The following UBASH3B variants were observed in gnomAD, a reference collection of about 807,000 sequenced individuals.
UBASH3B encodes ubiquitin associated and SH3 domain containing B, also known as ubiquitin-associated and SH3 domain-containing protein B.
A neutral mutation model predicts 83.4 loss-of-function variants in UBASH3B; 37 were observed. That is an observed-to-expected ratio of 0.44 (90% CI 0.34 to 0.58). The LOEUF is 0.58. UBASH3B is among the 20% of genes least tolerant of loss of function. The pLI is 0.01. For missense variants in UBASH3B, 657 were observed against 827.2 expected (o/e 0.79, Z 2.52); for synonymous variants, 304 against 318.3 (o/e 0.96, Z 0.48).
intron 1 of UBASH3B, among the ~76,000 whole-genome samples, chr11:122,747,298 G>A (rs957965123): frequency 1.3e-4 from 20 of 152,220 alleles, no homozygotes; most frequent in African/African-American, 4.8e-4. Context: ...CTTAGCAAGA[G>A]CTTATGCACT....
chr11:122,743,483 G>A (rs181734858), intron 1 of UBASH3B, among the ~76,000 whole-genome samples: 21 of 152,198 alleles, frequency 1.4e-4, no homozygotes, highest in African/African-American at 4.8e-4. Context: ...CCAGAGTTTC[G>A]GGATTACAGG....
At chr11:122,757,198 TC>T (rs1441729725) in intron 1 of UBASH3B, among the ~76,000 whole-genome samples, 1 of 152,182 alleles carries the variant, frequency 6.6e-6, no homozygotes, top group East Asian at 1.9e-4. Context: ...ACATTTGTGT[TC>T]CCCCCAAATT....
intron 1 of UBASH3B, among the ~76,000 whole-genome samples, chr11:122,733,417 G>T: frequency 6.6e-6 from 1 of 152,222 alleles, no homozygotes; most frequent in East Asian, 1.9e-4. Context: ...CAACAAGTAT[G>T]TCAACGATAA....
rs192013791 is a variant in UBASH3B, at chr11:122,740,977, G to A, written c.162-35242G>A. Among the ~76,000 whole-genome samples, 42 of 152,244 alleles carry A rather than the reference G, an allele frequency of 2.8e-4. No individual in the cohort carries two copies. The East Asian group carries it at 7.7e-3, about 28-fold the overall frequency. ...TTAGTAATCTAATTAAAAACAAATCGTTCGCAGGGATTTTGATTCCTTCTT... is the reference window on the plus strand; with the variant it reads ...TTAGTAATCTAATTAAAAACAAATCATTCGCAGGGATTTTGATTCCTTCTT... On this transcript the variant is annotated intron_variant, in intron 1 of 13. Transcript: ENST00000284273.
At chr11:122,751,709 T>C (rs1215883269) in intron 1 of UBASH3B, among the ~76,000 whole-genome samples, 2 of 152,176 alleles carry the variant, frequency 1.3e-5, no homozygotes, top group Non-Finnish European at 1.5e-5. Flanking sequence ...TGCAGTGGAC[T>C]GGGAGCCTGG....
chr11:122,778,958 G>T (rs577105005), intron 3 of UBASH3B, among the ~76,000 whole-genome samples: 222 of 152,210 alleles, frequency 1.5e-3, no homozygotes, highest in Admixed American at 2.6e-3. Flanking sequence ...ATAACATGAT[G>T]GTTGAATATA....
intron 11 of UBASH3B, among the ~76,000 whole-genome samples, chr11:122,803,269 C>T (rs1449844126): frequency 1.3e-5 from 2 of 152,104 alleles, no homozygotes; most frequent in African/African-American, 2.4e-5. Flanking sequence ...AGTTTAATTC[C>T]CTATGAAATT....
At chr11:122,788,366 C>T (rs1383664303) in intron 5 of UBASH3B, among the ~76,000 whole-genome samples, 5 of 152,064 alleles carry the variant, frequency 3.3e-5, no homozygotes, top group Non-Finnish European at 2.9e-5. Flanking sequence ...GTCAGGAGTT[C>T]GAGACCAGCC....
chr11:122,732,975 G>A (rs10892890), intron 1 of UBASH3B, among the ~76,000 whole-genome samples: 47,403 of 151,954 alleles, frequency 0.31, 8,852 homozygotes, highest in Middle Eastern at 0.49. Context: ...TGATGTACCC[G>A]TCACTATACC....
At chr11:122,674,952 C>G (rs1863648899) in intron 1 of UBASH3B, among the ~76,000 whole-genome samples, 1 of 151,992 alleles carries the variant, frequency 6.6e-6, no homozygotes, top group South Asian at 2.1e-4. Flanking sequence ...TGGTCTCGAA[C>G]TCCTCACCTC....
chr11:122,721,072 C>T (rs1219298478), intron 1 of UBASH3B, among the ~76,000 whole-genome samples: 1 of 150,762 alleles, frequency 6.6e-6, no homozygotes, highest in Non-Finnish European at 1.5e-5. Context: ...GGTGAAACCC[C>T]GTCTCTACCA....
At chr11:122,779,409 T>C (rs898816194) in intron 3 of UBASH3B, 88 bp from the exon 4 acceptor site, 1 of 1,448,478 alleles carries the variant, frequency 6.9e-7, no homozygotes, top group East Asian at 2.3e-5. Context: ...CCTCCTCCAG[T>C]CTCTGGGGAG....
At chr11:122,795,307 G>A (rs1003325391) in intron 7 of UBASH3B, among the ~76,000 whole-genome samples, 3 of 152,106 alleles carry the variant, frequency 2.0e-5, no homozygotes, top group Non-Finnish European at 2.9e-5. Flanking sequence ...AGCATGTTGA[G>A]GATCAAGAGA....
chr11:122,750,455 C>T (rs1049065448), intron 1 of UBASH3B, among the ~76,000 whole-genome samples: 16 of 152,180 alleles, frequency 1.1e-4, no homozygotes, highest in East Asian at 1.9e-4. Context: ...TTCACCTTAG[C>T]TTACTGGCAC....
rs1415032409 is a variant in UBASH3B at position 122,758,269 on chromosome 11, A to G, written c.162-17950A>G. 6.6e-6 allele frequency among the ~76,000 whole-genome samples: 1 copy of G among 152,178 alleles called. No homozygotes were observed. The highest frequency in any genetic ancestry group is 2.4e-5 in the African/African-American group (1 of 41,434). On this transcript the variant is annotated intron_variant, in intron 1 of 13. Coordinates refer to ENST00000284273, the MANE Select transcript of UBASH3B (RefSeq NM_032873.5). The surrounding 1 kb of genome is among the most constrained non-coding windows in gnomAD (Gnocchi z 4.2). ...TTCCTGGCGTGTTTGGTCAAGTCCC[A>G]TTTATAATATGTAAAGTACTCCCAT...
chr11:122,770,025 T>C (rs1326448991), intron 1 of UBASH3B, among the ~76,000 whole-genome samples: 1 of 152,258 alleles, frequency 6.6e-6, no homozygotes, highest in African/African-American at 2.4e-5. Context: ...AAAGATATAA[T>C]TTAATATTGG....
At position 122,777,228 on chromosome 11, in the gene UBASH3B, C is replaced by A. The variant is rs201715172; in HGVS notation, c.402+18C>A. 49 of 1,598,208 alleles carry A rather than the reference C, an allele frequency of 3.1e-5. No individual in the cohort carries two copies. The East Asian group carries it at 8.8e-4, about 29-fold the overall frequency. On this transcript the variant is annotated intron_variant, in intron 3 of 13. Transcript: ENST00000284273. ...TCTTTATGGTGAGCGGCAGCGCCCCCACCCCTGGGAAGCCTGGCTCCTAGG... is the reference window on the plus strand; with the variant it reads ...TCTTTATGGTGAGCGGCAGCGCCCCAACCCCTGGGAAGCCTGGCTCCTAGG...
chr11:122,765,730 TA>T (rs1860524587), intron 1 of UBASH3B, among the ~76,000 whole-genome samples: 1 of 152,196 alleles, frequency 6.6e-6, no homozygotes, highest in African/African-American at 2.4e-5. Flanking sequence ...GCCTAGCCCT[TA>T]TCTCCATATA....
chr11:122,784,489 A>C (rs1389874545), intron 5 of UBASH3B, among the ~76,000 whole-genome samples: 1 of 152,170 alleles, frequency 6.6e-6, no homozygotes, highest in Admixed American at 6.5e-5. Context: ...GTGAGACTGT[A>C]TCTCTACCCA....
Sources: gnomAD v4.1 joint callset for allele counts (sites outside exome capture counted in the v4.1 genomes callset) on GRCh38, gnomAD v4.1.1 for gene constraint, Gnocchi (gnomAD v3.1) non-coding constraint, MANE v1.5 for transcripts, NCBI Gene and HGNC (gene_info 2026-07-23, HGNC 2026-07-21) for gene names.